Variants in PRKAR2A observed in about 807,000 individuals in gnomAD.
PRKAR2A encodes protein kinase cAMP-dependent type II regulatory subunit alpha.
PRKAR2A carries 29 observed loss-of-function variants against 51.9 expected under a neutral mutation model. The observed-to-expected ratio is 0.56, with a 90% CI of 0.42 to 0.76. The LOEUF is 0.76. PRKAR2A is among the 30% of genes least tolerant of loss of function. PRKAR2A has a pLI of 0.00. For synonymous variants in PRKAR2A, 178 were observed against 186.2 expected, an observed-to-expected ratio of 0.96 and a Z score of 0.36; for missense variants, 445 against 512.1, an observed-to-expected ratio of 0.87 and a Z score of 1.26.
chr3:48,824,958 GA>G (rs927358227), intron 1 of PRKAR2A, among the ~76,000 whole-genome samples: 6 of 128,774 alleles, frequency 4.7e-5, no homozygotes, highest in Non-Finnish European at 8.4e-5. Context: ...AAAAGAAAAA[GA>G]AAAAAAAGGC....
rs546753643 is a variant in PRKAR2A at position 48,807,715 on chromosome 3, T to C, written c.263-31A>G. 1.9e-6 allele frequency: 3 copies of C among 1,589,742 alleles called. No individual in the cohort carries two copies. The South Asian group carries it at 3.3e-5, about 18-fold the overall frequency. On this transcript the variant is annotated intron_variant, in intron 1 of 10. Coordinates refer to ENST00000265563, the MANE Select transcript of PRKAR2A (RefSeq NM_004157.4). ...AAATAAAGAAGCAACATTTAGTCAT[T>C]ATTATGTCACCAGGCCGCATTTTTA...
chr3:48,829,871 A>ATATATTT (rs1297832658), intron 1 of PRKAR2A, among the ~76,000 whole-genome samples: 26 of 87,724 alleles, frequency 3.0e-4, no homozygotes, highest in South Asian at 7.4e-4. Context: ...ATATATATAT[A>ATATATTT]TTTTTTTTTT....
At chr3:48,775,530 C>T (rs1219063007) in intron 5 of PRKAR2A, among the ~76,000 whole-genome samples, 1 of 148,850 alleles carries the variant, frequency 6.7e-6, no homozygotes, top group East Asian at 2.0e-4. Flanking sequence ...TCAGAACTGA[C>T]AAGCAGAAAT....
intron 6 of PRKAR2A, among the ~76,000 whole-genome samples, chr3:48,772,397 C>T (rs775238507): frequency 3.3e-5 from 5 of 151,934 alleles, no homozygotes; most frequent in East Asian, 1.9e-4. Flanking sequence ...AGTAGAGACA[C>T]GGTTTTACCA....
chr3:48,786,251 A>C (rs2082290140), intron 4 of PRKAR2A, among the ~76,000 whole-genome samples: 1 of 149,600 alleles, frequency 6.7e-6, no homozygotes, highest in Non-Finnish European at 1.5e-5. Context: ...CAGCCTCCCG[A>C]GTAGCTGAGA....
At chr3:48,764,403 T>A (rs575187408) in intron 8 of PRKAR2A, among the ~76,000 whole-genome samples, 83 of 152,284 alleles carry the variant, frequency 5.5e-4, no homozygotes, top group African/African-American at 1.9e-3. Context: ...CTCTTTAACC[T>A]TCCCCAGGTT....
At chr3:48,843,092 T>G (rs2083405299) in intron 1 of PRKAR2A, among the ~76,000 whole-genome samples, 2 of 152,180 alleles carry the variant, frequency 1.3e-5, no homozygotes, top group African/African-American at 4.8e-5. Context: ...CAATTTCAGA[T>G]CCTGTTATTG....
At chr3:48,790,468 A>T (rs1010073781) in intron 4 of PRKAR2A, 76 bp downstream of exon 4, 2 of 1,073,754 alleles carry the variant, frequency 1.9e-6, no homozygotes, top group Non-Finnish European at 2.6e-6. Flanking sequence ...GGGTGCTAAA[A>T]ATTAAAGTTT....
At chr3:48,838,607 TAA>T (rs34585229) in intron 1 of PRKAR2A, among the ~76,000 whole-genome samples, 33 of 145,084 alleles carry the variant, frequency 2.3e-4, no homozygotes, top group South Asian at 6.5e-4. Context: ...ACTCCATCTT[TAA>T]AAAAAAAAAA....
chr3:48,748,743 C>A lies in PRKAR2A; in HGVS notation c.*2842G>T, dbSNP rs1165655482. On this transcript the variant is annotated 3_prime_UTR_variant, in exon 11 of 11. Coordinates refer to ENST00000265563, the MANE Select transcript of PRKAR2A (RefSeq NM_004157.4). ...ATGTATCCGTTACCTTTACAAGAAACTGGTGTGGTTCTTGTCTGCTAAGGG... is the reference window on the plus strand; with the variant it reads ...ATGTATCCGTTACCTTTACAAGAAAATGGTGTGGTTCTTGTCTGCTAAGGG... The A allele has an allele frequency of 6.6e-6, 1 of 152,172 alleles. No individual in the cohort carries two copies. Among genetic ancestry groups the A allele is most frequent in the Non-Finnish European group, 1.5e-5 (1 of 68,030 alleles). The allele number at this position is 152,172 out of a possible 1,614,324, so 9.4% of individuals were successfully genotyped here. A position where few individuals can be genotyped will look rare whatever the true frequency, so the allele number is the denominator to read the frequency against.
chr3:48,839,400 T>TA (rs201427924), intron 1 of PRKAR2A, among the ~76,000 whole-genome samples: 1,921 of 117,248 alleles, frequency 0.016, 58 homozygotes, highest in East Asian at 0.12. Context: ...AGCTGTTACC[T>TA]AAAAAAAAAA....
chr3:48,782,885 C>T, intron 5 of PRKAR2A, 101 bp downstream of exon 5: 1 of 842,536 alleles, frequency 1.2e-6, no homozygotes. Flanking sequence ...TCACCTGGCC[C>T]TTAGCCTCTC....
At chr3:48,770,450 G>A (rs1004183168) in intron 6 of PRKAR2A, among the ~76,000 whole-genome samples, 7 of 152,064 alleles carry the variant, frequency 4.6e-5, no homozygotes, top group Admixed American at 2.0e-4. Context: ...ACTCAGTGAC[G>A]ACACCAGATC....
At chr3:48,757,375 G>A (rs916523435) in intron 8 of PRKAR2A, among the ~76,000 whole-genome samples, 4 of 151,996 alleles carry the variant, frequency 2.6e-5, no homozygotes, top group Admixed American at 6.6e-5. Flanking sequence ...AAATATATCC[G>A]TTCTTCAAAA....
At chr3:48,815,419 G>A (rs1181234382) in intron 1 of PRKAR2A, among the ~76,000 whole-genome samples, 3 of 151,430 alleles carry the variant, frequency 2.0e-5, no homozygotes, top group Non-Finnish European at 2.9e-5. Flanking sequence ...GAAGCTGGAC[G>A]GGCACGGTGG....
chr3:48,847,347 C>G lies in PRKAR2A; in HGVS notation c.250G>C (p.Glu84Gln), dbSNP rs749627616. Residue 84 changes from glutamate to glutamine, a missense_variant, in exon 1 of 11, where the codon GAG (glutamate) becomes CAG (glutamine). By Grantham distance (29) the Glu-to-Gln change is conservative. Coordinates refer to ENST00000265563, the MANE Select transcript of PRKAR2A (RefSeq NM_004157.4). The surrounding 1 kb of genome is among the most constrained non-coding windows in gnomAD (Gnocchi z 4.4). ...GCCCACAGCCTACCTTCCAAGTCCT[C>G]GTCCTCCTCCGACTCGCTGTCCCCT... ...AKGDSESEEDEDLEVPVPSRF... is the reference protein window; with the variant it reads ...AKGDSESEEDQDLEVPVPSRF... 2.7e-5 allele frequency: 44 copies of G among 1,613,486 alleles called. 2 individuals carry two copies. In the South Asian group the frequency reaches 4.7e-4, roughly 17 times the overall value.
At chr3:48,843,846 T>TA (rs2083418408) in intron 1 of PRKAR2A, among the ~76,000 whole-genome samples, 1 of 151,674 alleles carries the variant, frequency 6.6e-6, no homozygotes, top group African/African-American at 2.4e-5. Context: ...CAAGATGGAT[T>TA]AAAGACTTAA....
At chr3:48,831,355 T>C (rs1355909640) in intron 1 of PRKAR2A, among the ~76,000 whole-genome samples, 3 of 142,188 alleles carry the variant, frequency 2.1e-5, no homozygotes, top group East Asian at 4.3e-4. Context: ...CACTGGTTTA[T>C]CCAAAATATC....
intron 1 of PRKAR2A, among the ~76,000 whole-genome samples, chr3:48,829,871 A>T (rs868191936): frequency 0.011 from 961 of 87,706 alleles, 32 homozygotes; most frequent in African/African-American, 0.041. Flanking sequence ...ATATATATAT[A>T]TTTTTTTTTT....
Sources: gnomAD v4.1 joint callset for allele counts (sites outside exome capture counted in the v4.1 genomes callset) on GRCh38, gnomAD v4.1.1 for gene constraint, Gnocchi (gnomAD v3.1) non-coding constraint, MANE v1.5 for transcripts, NCBI Gene and HGNC (gene_info 2026-07-23, HGNC 2026-07-21) for gene names.